CACNA1C: variants seen among roughly 807,000 people sequenced by gnomAD.
CACNA1C encodes the protein calcium voltage-gated channel subunit alpha1 C, also known as voltage-dependent L-type calcium channel subunit alpha-1C.
A neutral mutation model predicts 229.0 loss-of-function variants in CACNA1C; 30 were observed. That is an observed-to-expected ratio of 0.13 (90% CI 0.10 to 0.18). The LOEUF (loss-of-function observed/expected upper bound fraction) is 0.18. CACNA1C is among the 10% of genes least tolerant of loss of function. The probability of loss-of-function intolerance (pLI) is 1.00; values close to 1 mark genes in which losing one functional copy is unlikely to be tolerated. For synonymous variants in CACNA1C, 1,114 were observed against 1,132.5 expected (o/e 0.98, Z 0.33); for missense variants, 1,658 against 2,845.0 (o/e 0.58, Z 9.49).
rs763044259 is a variant in CACNA1C, at chr12:2,115,176, C to G, written c.50-48C>G. The G allele has an allele frequency of 6.6e-6, 9 of 1,373,486 alleles. 1 individual carries two copies. The South Asian group carries it at 1.2e-4, about 18-fold the overall frequency. 85.1% of individuals were successfully genotyped at this position (1,373,486 alleles called of 1,614,324 possible). A position where few individuals can be genotyped will look rare whatever the true frequency, so the allele number is the denominator to read the frequency against. On this transcript the variant is annotated intron_variant, in intron 1 of 46. Coordinates refer to ENST00000399655, the MANE Select transcript of CACNA1C (RefSeq NM_000719.7). Reference sequence around the variant, plus strand: ...GGGTCCAGAGAGTGTCGGAAGTGCCCCTGTTTTCTATCTAGTAACTGTTGT... The same window carrying G: ...GGGTCCAGAGAGTGTCGGAAGTGCCGCTGTTTTCTATCTAGTAACTGTTGT...
At chr12:2,675,290 C>G (rs1462011802) in intron 39 of CACNA1C, among the ~76,000 whole-genome samples, 1 of 152,184 alleles carries the variant, frequency 6.6e-6, no homozygotes, top group African/African-American at 2.4e-5. Flanking sequence ...TCAGGCATAA[C>G]TATACCAGCA....
At position 2,479,865 on chromosome 12, in the gene CACNA1C, A is replaced by G. The variant is rs2099664996; in HGVS notation, c.758-6239A>G. ...TCATCCAGGCTTTCCGTATTGGCAG[A>G]ATCTCACATGGTGCCGCAGCCCTCT... On this transcript the variant is annotated intron_variant, in intron 5 of 46. Coordinates refer to ENST00000399655, the MANE Select transcript of CACNA1C (RefSeq NM_000719.7). The surrounding 1 kb of genome is among the most constrained non-coding windows in gnomAD (Gnocchi z 4.3). Among the ~76,000 whole-genome samples, 1 of 152,162 alleles carries G rather than the reference A, an allele frequency of 6.6e-6. No individual in the cohort carries two copies. Among genetic ancestry groups the G allele is most frequent in the Non-Finnish European group, 1.5e-5 (1 of 68,034 alleles).
At chr12:2,230,411 GCA>G (rs2064645002) in intron 3 of CACNA1C, among the ~76,000 whole-genome samples, 1 of 152,244 alleles carries the variant, frequency 6.6e-6, no homozygotes, top group Middle Eastern at 3.2e-3. Context: ...GAGCCTGGAA[GCA>G]CAGTCAGCCC....
rs2098305623 is a variant in CACNA1C at position 2,383,518 on chromosome 12, T to C, written c.478-65458T>C. ...ACCCTACGATAAACCAGTGGAGTTA[T>C]AAATGGAAAGCCTGAATTCCCAGAC... is the stretch of plus-strand genomic sequence containing the variant. On this transcript the variant is annotated intron_variant, in intron 3 of 46. Transcript: ENST00000399655. Among the ~76,000 whole-genome samples the C allele has an allele frequency of 3.9e-5, 6 of 152,250 alleles. No homozygotes were observed. In the South Asian group the frequency reaches 1.0e-3, roughly 26 times the overall value.
chr12:2,211,061 C>T (rs1380076655), intron 3 of CACNA1C, among the ~76,000 whole-genome samples: 2 of 152,188 alleles, frequency 1.3e-5, no homozygotes, highest in Admixed American at 1.3e-4. Context: ...TAGTTAGTGT[C>T]AGGACTGACT....
intron 1 of CACNA1C, among the ~76,000 whole-genome samples, chr12:2,019,280 A>G (rs1340245417): frequency 6.6e-6 from 1 of 152,048 alleles, no homozygotes; most frequent in Non-Finnish European, 1.5e-5. Flanking sequence ...TGGGCAACAT[A>G]GTGAGATCCC....
At chr12:2,686,449 C>T (rs1003041256) in intron 45 of CACNA1C, among the ~76,000 whole-genome samples, 180 bp downstream of exon 45, 7 of 152,204 alleles carry the variant, frequency 4.6e-5, no homozygotes, top group Non-Finnish European at 7.3e-5. Context: ...GTGAGGGCCA[C>T]GGCAAGGTCT....
chr12:2,171,191 G>A lies in CACNA1C; in HGVS notation c.477+50761G>A, dbSNP rs192709252. ...GGCAGGGGCAGCCTGACCTGTCAGG[G>A]CGATACAGTCTGTAGCTGTTTGGCC... On this transcript the variant is annotated intron_variant, in intron 3 of 46. Transcript: ENST00000399655. Among the ~76,000 whole-genome samples, 5 of 152,352 alleles carry A rather than the reference G, an allele frequency of 3.3e-5. No individual in the cohort carries two copies. In the East Asian group the frequency reaches 9.6e-4, roughly 29 times the overall value.
chr12:2,071,940 G>GA (rs2061494112), intron 1 of CACNA1C, among the ~76,000 whole-genome samples: 1 of 152,150 alleles, frequency 6.6e-6, no homozygotes. Context: ...CTGGAAATTT[G>GA]AACCTGTGTT....
At chr12:2,664,789 A>T (rs371019844) in intron 34 of CACNA1C, 36 bp from the exon 35 acceptor site, 1 of 1,522,880 alleles carries the variant, frequency 6.6e-7, no homozygotes, top group Non-Finnish European at 8.9e-7. Flanking sequence ...CATCTGTAGG[A>T]TGGGCTGCAT....
intron 3 of CACNA1C, among the ~76,000 whole-genome samples, chr12:2,141,906 C>A (rs1413068003): frequency 6.6e-6 from 1 of 151,274 alleles, no homozygotes; most frequent in Admixed American, 6.6e-5. Context: ...AATAACCCAG[C>A]CTGCATGAGG....
At chr12:2,228,936 A>ATGTG (rs112935415) in intron 3 of CACNA1C, among the ~76,000 whole-genome samples, 5 of 150,954 alleles carry the variant, frequency 3.3e-5, no homozygotes, top group African/African-American at 9.7e-5. Context: ...CTAGAATATT[A>ATGTG]TGTGTGTGTG....
chr12:2,018,749 T>C (rs2045867319), intron 1 of CACNA1C, among the ~76,000 whole-genome samples: 1 of 152,206 alleles, frequency 6.6e-6, no homozygotes, highest in Non-Finnish European at 1.5e-5. Context: ...TAGCTTGACT[T>C]AATATATAGT....
At chr12:2,662,158 C>G (rs146067180) in intron 34 of CACNA1C, among the ~76,000 whole-genome samples, 2,060 of 151,648 alleles carry the variant, frequency 0.014, 42 homozygotes, top group African/African-American at 0.045. Context: ...GGGAGAATCT[C>G]TTGAACCCAG....
At chr12:2,511,988 C>T (rs1386777869) in intron 8 of CACNA1C, among the ~76,000 whole-genome samples, 1 of 152,088 alleles carries the variant, frequency 6.6e-6, no homozygotes, top group African/African-American at 2.4e-5. Context: ...AGGGCAGCCC[C>T]CAGGACATTT....
intron 3 of CACNA1C, among the ~76,000 whole-genome samples, chr12:2,411,457 C>T (rs1182550412): frequency 6.6e-6 from 1 of 152,142 alleles, no homozygotes; most frequent in Non-Finnish European, 1.5e-5. Context: ...ACAACAACTA[C>T]AGAAGCCCTG....
In CACNA1C at chr12:2,208,187, G is replaced by A. The variant is rs1428855715; in HGVS notation, c.477+87757G>A. Among the ~76,000 whole-genome samples the A allele has an allele frequency of 2.0e-5, 3 of 152,136 alleles. No individual in the cohort carries two copies. The South Asian group carries it at 6.2e-4, about 31-fold the overall frequency. On this transcript the variant is annotated intron_variant, in intron 3 of 46. Coordinates refer to ENST00000399655, the MANE Select transcript of CACNA1C (RefSeq NM_000719.7). ...TGCTGTGCCAAGTATAAAGTGATAAGCAAGGAAGCGGAAAACGTAGCATGA... is the reference window on the plus strand; with the variant it reads ...TGCTGTGCCAAGTATAAAGTGATAAACAAGGAAGCGGAAAACGTAGCATGA...
At chr12:2,613,948 A>C (rs2079126345) in intron 29 of CACNA1C, 1 of 152,266 alleles carries the variant, frequency 6.6e-6, no homozygotes, top group African/African-American at 2.4e-5. Context: ...GTCATTCCAC[A>C]GTTGACTCAG....
At chr12:2,508,289 T>A (rs1395215379) in intron 8 of CACNA1C, among the ~76,000 whole-genome samples, 1 of 152,244 alleles carries the variant, frequency 6.6e-6, no homozygotes, top group Non-Finnish European at 1.5e-5. Flanking sequence ...AAGGAAAGAT[T>A]GAACGGTGCT....
Sources: allele counts gnomAD v4.1 joint callset (sites outside exome capture counted in the v4.1 genomes callset), GRCh38; gene constraint gnomAD v4.1.1; non-coding constraint Gnocchi (gnomAD v3.1); transcripts MANE v1.5; gene names NCBI Gene and HGNC (gene_info 2026-07-23, HGNC 2026-07-21).